SLC26A5: variants seen among roughly 807,000 people sequenced by gnomAD.
The protein encoded by SLC26A5 is prestin.
SLC26A5 carries 51 observed loss-of-function variants against 81.0 expected under a neutral mutation model. The ratio of observed to expected loss-of-function variants is 0.63; its 90% CI spans 0.50 to 0.80. The LOEUF (loss-of-function observed/expected upper bound fraction) is 0.80. Among genes scored for constraint, SLC26A5 ranks in the 30% least tolerant of loss-of-function variants. SLC26A5 has a pLI of 0.00. For missense variants in SLC26A5, 771 were observed against 905.8 expected (o/e 0.85, Z 1.91); for synonymous variants, 325 against 332.8 (o/e 0.98, Z 0.25).
chr7:103,393,205 T>C (rs1246868801), intron 9 of SLC26A5, 139 bp from the exon 10 acceptor site: 18 of 1,128,094 alleles, frequency 1.6e-5, no homozygotes, highest in Non-Finnish European at 2.3e-5. Context: ...TTTGCTCTGG[T>C]TGGCAAAAAG....
intron 7 of SLC26A5, among the ~76,000 whole-genome samples, chr7:103,409,555 G>A (rs1212441098): frequency 6.6e-6 from 1 of 152,058 alleles, no homozygotes; most frequent in Admixed American, 6.6e-5. Flanking sequence ...TCACATGATC[G>A]ATTTCAACAT....
intron 19 of SLC26A5, chr7:103,361,916 G>T: frequency 6.4e-7 from 1 of 1,573,058 alleles, no homozygotes; most frequent in Non-Finnish European, 8.6e-7. Context: ...ATTATTAGTG[G>T]CTTAGGTTCC....
In SLC26A5 at chr7:103,430,641, A is replaced by G. The variant is rs185496528; in HGVS notation, c.-53-9074T>C. Reference sequence around the variant, plus strand: ...CTGGATTTGAAGTGGCTCTCAAATAATGGATAGAAGGCAAAAAGGCAGGCA... The same window carrying G: ...CTGGATTTGAAGTGGCTCTCAAATAGTGGATAGAAGGCAAAAAGGCAGGCA... On this transcript the variant is annotated intron_variant, in intron 2 of 19. Transcript: ENST00000306312. 7.4e-3 allele frequency among the ~76,000 whole-genome samples: 825 copies of G among 112,194 alleles called. 7 individuals carry two copies. The highest frequency in any genetic ancestry group is 0.037 in the African/African-American group (791 of 21,120). The allele number at this position is 112,194 out of a possible 152,430, so 73.6% of individuals were successfully genotyped here. A position where few individuals can be genotyped will look rare whatever the true frequency, so the allele number is the denominator to read the frequency against.
At chr7:103,400,616 G>T (rs1381258860) in intron 8 of SLC26A5, among the ~76,000 whole-genome samples, 4 of 152,162 alleles carry the variant, frequency 2.6e-5, no homozygotes, top group Non-Finnish European at 4.4e-5. Flanking sequence ...ATTGCTTTTG[G>T]TGTTTTAGTC....
intron 6 of SLC26A5, among the ~76,000 whole-genome samples, chr7:103,411,061 A>G (rs749085168): frequency 1.3e-5 from 2 of 152,128 alleles, no homozygotes; most frequent in Non-Finnish European, 2.9e-5. Context: ...GACCACACTA[A>G]TGCCTTCCCT....
chr7:103,387,649 A>G (rs568622544), intron 14 of SLC26A5, among the ~76,000 whole-genome samples: 39 of 152,294 alleles, frequency 2.6e-4, no homozygotes, highest in African/African-American at 9.4e-4. Context: ...TGCCGCCAGG[A>G]CCTGACTAAA....
At chr7:103,394,302 C>G (rs181948464) in intron 9 of SLC26A5, among the ~76,000 whole-genome samples, 6 of 152,104 alleles carry the variant, frequency 3.9e-5, no homozygotes, top group African/African-American at 1.2e-4. Flanking sequence ...TACTATTATC[C>G]CAATTTGTAG....
chr7:103,381,858 ACAC>A (rs1271058299), intron 14 of SLC26A5, among the ~76,000 whole-genome samples: 1 of 151,700 alleles, frequency 6.6e-6, no homozygotes, highest in Non-Finnish European at 1.5e-5. Flanking sequence ...TACACCACAC[ACAC>A]AACACACACA....
intron 9 of SLC26A5, among the ~76,000 whole-genome samples, chr7:103,395,682 G>A (rs753098828): frequency 4.0e-5 from 6 of 151,114 alleles, no homozygotes; most frequent in Admixed American, 1.3e-4. Context: ...CACCATGCCC[G>A]GCTAATTTTT....
intron 2 of SLC26A5, among the ~76,000 whole-genome samples, chr7:103,427,150 T>C (rs952796186): frequency 1.3e-5 from 2 of 151,874 alleles, no homozygotes; most frequent in African/African-American, 2.4e-5. Flanking sequence ...CTTGGCTCAC[T>C]GCAACCTCTG....
chr7:103,374,542 G>A lies in SLC26A5; in HGVS notation c.2092C>T (p.Leu698=), dbSNP rs1340119482. ...TRNRFFENPA[L]WELLFHSIHD... ...ATGCTGTGGAACAGCAGCTCCCATA[G>A]GGCAGGATTTTCAAAAAATCTATTC... Residue 698 remains leucine (L), a synonymous_variant, in exon 20 of 20, where the codon CTA becomes TTA. Transcript: ENST00000306312. 6.2e-7 allele frequency: 1 copy of A among 1,613,960 alleles called. No homozygotes were observed. The highest frequency in any genetic ancestry group is 8.5e-7 in the Non-Finnish European group (1 of 1,179,972).
chr7:103,354,850 C>G, intron 19 of SLC26A5: 1 of 1,558,866 alleles, frequency 6.4e-7, no homozygotes, highest in Non-Finnish European at 8.8e-7. Context: ...TCTAACTAAA[C>G]TGACCTTCAT....
At chr7:103,384,330 A>G (rs1477633035) in intron 14 of SLC26A5, among the ~76,000 whole-genome samples, 3 of 151,296 alleles carry the variant, frequency 2.0e-5, no homozygotes, top group African/African-American at 7.3e-5. Flanking sequence ...ATGCTGATTG[A>G]GGCTGGGCGC....
chr7:103,439,988 C>T (rs899136313), intron 2 of SLC26A5, among the ~76,000 whole-genome samples: 7 of 152,168 alleles, frequency 4.6e-5, no homozygotes, highest in African/African-American at 1.7e-4. Context: ...CTTTTTCTGA[C>T]CACCTTCTTT....
intron 2 of SLC26A5, among the ~76,000 whole-genome samples, chr7:103,426,548 C>T (rs1482649546): frequency 6.6e-6 from 1 of 152,100 alleles, no homozygotes; most frequent in Admixed American, 6.6e-5. Context: ...GGAAGAGACA[C>T]AGAGAGGAGA....
intron 2 of SLC26A5, among the ~76,000 whole-genome samples, chr7:103,427,075 A>AT (rs757919944): frequency 2.0e-3 from 290 of 142,426 alleles, no homozygotes; most frequent in East Asian, 2.6e-3. Context: ...TTCATCATAG[A>AT]TTTTTTTTTT....
chr7:103,366,871 C>A (rs1820744384), intron 19 of SLC26A5, among the ~76,000 whole-genome samples: 1 of 152,048 alleles, frequency 6.6e-6, no homozygotes. Flanking sequence ...GTGGCATGAT[C>A]TTGGCTCACT....
At chr7:103,404,019 C>T (rs1823823545) in intron 8 of SLC26A5, among the ~76,000 whole-genome samples, 1 of 152,080 alleles carries the variant, frequency 6.6e-6, no homozygotes, top group Non-Finnish European at 1.5e-5. Flanking sequence ...CCAGTCTCTG[C>T]TAAAAATACA....
chr7:103,438,551 C>A (rs1460784728), intron 2 of SLC26A5, among the ~76,000 whole-genome samples: 1 of 152,010 alleles, frequency 6.6e-6, no homozygotes. Flanking sequence ...CAGGGTTTCA[C>A]CATGTTGGCC....
Sources: gnomAD v4.1 joint callset for allele counts (sites outside exome capture counted in the v4.1 genomes callset) on GRCh38, gnomAD v4.1.1 for gene constraint, MANE v1.5 for transcripts, NCBI Gene and HGNC (gene_info 2026-07-23, HGNC 2026-07-21) for gene names.